CD8A: variants seen among roughly 807,000 people sequenced by gnomAD.
The protein encoded by CD8A is T-cell surface glycoprotein CD8 alpha chain.
CD8A carries 25 observed loss-of-function variants against 24.2 expected under a neutral mutation model. The ratio of observed to expected loss-of-function variants is 1.03; its 90% CI spans 0.75 to 1.44. CD8A has a LOEUF of 1.44. CD8A is among the 40% of genes most tolerant of loss of function. The pLI, the probability that CD8A is intolerant of heterozygous loss-of-function variation, is 0.00. For synonymous variants in CD8A, 165 were observed against 149.9 expected, an observed-to-expected ratio of 1.10 and a Z score of -0.74; for missense variants, 360 against 319.7, an observed-to-expected ratio of 1.13 and a Z score of -0.96.
At position 86,785,399 on chromosome 2, in the gene CD8A, C is replaced by T. The variant is rs534968939; in HGVS notation, c.*521G>A. ...CCCAGGTATCAAGAAGTACTTGTTCCCTTGCCGTTGGAGACTCAAGCACCT... is the reference window on the plus strand; with the variant it reads ...CCCAGGTATCAAGAAGTACTTGTTCTCTTGCCGTTGGAGACTCAAGCACCT... On this transcript the variant is annotated 3_prime_UTR_variant, in exon 6 of 6. Coordinates refer to ENST00000283635, the MANE Select transcript of CD8A (RefSeq NM_001768.7). The T allele has an allele frequency of 1.1e-5, 5 of 454,504 alleles. No individual in the cohort carries two copies. The East Asian group carries it at 3.5e-4, about 32-fold the overall frequency. The allele number at this position is 454,504 out of a possible 1,614,324, so 28.2% of individuals were successfully genotyped here. A position where few individuals can be genotyped will look rare whatever the true frequency, so the allele number is the denominator to read the frequency against.
intron 5 of CD8A, among the ~76,000 whole-genome samples, chr2:86,786,381 G>A (rs577551500): frequency 6.6e-6 from 1 of 152,346 alleles, no homozygotes; most frequent in South Asian, 2.1e-4. Flanking sequence ...AGGGAGAGAG[G>A]AGGATGTGAG....
At chr2:86,792,527 G>A (rs1174870990), upstream of CD8A, among the ~76,000 whole-genome samples, 1 of 140,984 alleles carries the variant, frequency 7.1e-6, no homozygotes, top group Non-Finnish European at 1.5e-5. Context: ...GGGTCTGGCT[G>A]TGTTGCCCAG....
At chr2:86,792,524 G>A (rs1405835276), upstream of CD8A, among the ~76,000 whole-genome samples, 2 of 144,346 alleles carry the variant, frequency 1.4e-5, no homozygotes, top group Non-Finnish European at 3.0e-5. Flanking sequence ...ATGGGGTCTG[G>A]CTGTGTTGCC....
In CD8A at chr2:86,805,933, C is replaced by T. The variant is rs1450658133; in HGVS notation, c.-418+1514G>A. Among the ~76,000 whole-genome samples, 6 of 151,742 alleles carry T rather than the reference C, an allele frequency of 4.0e-5. No homozygotes were observed. In the South Asian group the frequency reaches 1.0e-3, roughly 26 times the overall value. On this transcript the variant is annotated intron_variant, in intron 2 of 8. Transcript: ENST00000409511. ...GGCTCGTTTCTTTTTCTTTCTTTCT[C>T]TCTCTCTCTTTCTTTTTCTTTTTCT... is the stretch of plus-strand genomic sequence containing the variant.
chr2:86,791,259 C>T (rs970084034), upstream of CD8A: 6 of 373,664 alleles, frequency 1.6e-5, no homozygotes, highest in African/African-American at 1.3e-4. Context: ...TCACTAAAGG[C>T]GTCTCTTGTA....
At chr2:86,791,174 G>T, upstream of CD8A, 1 of 526,356 alleles carries the variant, frequency 1.9e-6, no homozygotes, top group Non-Finnish European at 3.5e-6. Context: ...CAGAGTGGGT[G>T]AAGGGAGACC....
chr2:86,793,090 C>G (rs187450812), upstream of CD8A, among the ~76,000 whole-genome samples: 44 of 152,308 alleles, frequency 2.9e-4, no homozygotes, highest in Non-Finnish European at 5.1e-4. Context: ...TATACATCAT[C>G]TTAGACACAT....
rs1225382911 is a variant in CD8A at position 86,784,762 on chromosome 2, T to A, written c.*1158A>T. On this transcript the variant is annotated 3_prime_UTR_variant, in exon 6 of 6. Transcript: ENST00000283635. Reference sequence around the variant, plus strand: ...GAATGTACACCATATTAACAGGAGATTATTCCTAAGGTGAAGAATTATGAG... The same window carrying A: ...GAATGTACACCATATTAACAGGAGAATATTCCTAAGGTGAAGAATTATGAG... The A allele has an allele frequency of 4.4e-6, 2 of 454,136 alleles. No individual in the cohort carries two copies. Among genetic ancestry groups the A allele is most frequent in the South Asian group, 3.1e-5 (2 of 64,478 alleles). The allele number at this position is 454,136 out of a possible 1,614,324, so 28.1% of individuals were successfully genotyped here. A position where few individuals can be genotyped will look rare whatever the true frequency, so the allele number is the denominator to read the frequency against.
At chr2:86,789,282 G>T in intron 4 of CD8A, 41 bp downstream of exon 4, 1 of 1,309,288 alleles carries the variant, frequency 7.6e-7, no homozygotes, top group Non-Finnish European at 1.1e-6. Context: ...AAGGGCAGGA[G>T]CGGGGCCGAC....
At chr2:86,806,684 C>T (rs1245946956) in intron 2 of CD8A, among the ~76,000 whole-genome samples, 1 of 152,142 alleles carries the variant, frequency 6.6e-6, no homozygotes, top group Non-Finnish European at 1.5e-5. Context: ...AGTTGGAGAC[C>T]GGCCTGGGCC....
rs1159040871 is a variant in CD8A, at chr2:86,785,616, C to T, written c.*304G>A. 8.3e-6 allele frequency: 5 copies of T among 604,066 alleles called. No individual in the cohort carries two copies. Among genetic ancestry groups the T allele is most frequent in the Non-Finnish European group, 9.3e-6 (3 of 323,414 alleles). 37.4% of individuals were successfully genotyped at this position (604,066 alleles called of 1,614,324 possible). On this transcript the variant is annotated 3_prime_UTR_variant, in exon 6 of 6. Coordinates refer to ENST00000283635, the MANE Select transcript of CD8A (RefSeq NM_001768.7). ...GAAGAGGTTGAGATGGCATGGGTGC[C>T]TCCAGCTCTCTCAGCATGATTCTGA...
chr2:86,793,147 A>G (rs966878139), upstream of CD8A, among the ~76,000 whole-genome samples: 1 of 152,210 alleles, frequency 6.6e-6, no homozygotes, highest in African/African-American at 2.4e-5. Context: ...CTTGTTTCAC[A>G]GTAGAAGGAG....
chr2:86,793,077 G>A, upstream of CD8A, among the ~76,000 whole-genome samples: 1 of 152,182 alleles, frequency 6.6e-6, no homozygotes, highest in East Asian at 1.9e-4. Context: ...ATAAACAGAT[G>A]TTTATACATC....
Position 86,790,384 on chromosome 2 carries a change from G to C in CD8A, c.347C>G (p.Ser116Trp). The C allele has an allele frequency of 1.2e-6, 2 of 1,614,128 alleles. No homozygotes were observed. Among genetic ancestry groups the C allele is most frequent in the Non-Finnish European group, 1.7e-6 (2 of 1,180,020 alleles). Residue 116 changes from serine (S) to tryptophan (W), a missense_variant, in exon 2 of 6, where the codon TCG becomes TGG. By Grantham distance (177) the Ser-to-Trp change is radical. Coordinates refer to ENST00000283635, the MANE Select transcript of CD8A (RefSeq NM_001768.7). ...GTACATGATGGAGTTGCTCAGGGCC[G>C]AGCAGAAATAGTAGCCCTCGTTCTC... ...RRENEGYYFCSALSNSIMYFS... is the reference protein window; with the variant it reads ...RRENEGYYFCWALSNSIMYFS...
chr2:86,789,639 C>A lies in CD8A; in HGVS notation c.514+1G>T, dbSNP rs1332614261. On this transcript the variant is annotated splice_donor_variant, in intron 3 of 5. Transcript: ENST00000283635. LOFTEE classifies it high-confidence loss of function. ...CCGCCCCGGGCCCCCGCACGCCTCA[C>A]CTGCGCCCCCCGCCGCTGGCCGGCA... is the stretch of plus-strand genomic sequence containing the variant. 5 of 1,483,590 alleles carry A rather than the reference C, an allele frequency of 3.4e-6. No homozygotes were observed. Among genetic ancestry groups the A allele is most frequent in the Non-Finnish European group, 4.5e-6 (5 of 1,120,780 alleles). The allele number at this position is 1,483,590 out of a possible 1,614,324, so 91.9% of individuals were successfully genotyped here.
At chr2:86,805,195 C>CT (rs1160091119) in intron 2 of CD8A, among the ~76,000 whole-genome samples, 1 of 152,094 alleles carries the variant, frequency 6.6e-6, no homozygotes, top group African/African-American at 2.4e-5. Flanking sequence ...ACAACTGCCA[C>CT]TTTCATTTAT....
At position 86,790,539 on chromosome 2, in the gene CD8A, G is replaced by A. The variant is rs2229239; in HGVS notation, c.192C>T (p.Ala64=). 2.5e-6 allele frequency: 4 copies of A among 1,613,438 alleles called. No homozygotes were observed. Among genetic ancestry groups the A allele is most frequent in the Admixed American group, 1.7e-5 (1 of 60,006 alleles). Residue 64 remains alanine (A), a synonymous_variant, in exon 2 of 6, where the codon GCC becomes GCT. Transcript: ENST00000283635. ...GGTATAGGAGGAAGGTGGGACTGGCGGCGGCGCCGCGCGGCTGGAAGAGCC... is the reference window on the plus strand; with the variant it reads ...GGTATAGGAGGAAGGTGGGACTGGCAGCGGCGCCGCGCGGCTGGAAGAGCC... ...CSWLFQPRGA[A]ASPTFLLYLS... is the part of the protein sequence containing the mutation.
rs1318750582 is a variant in CD8A, at chr2:86,790,478, C to A, written c.253G>T (p.Asp85Tyr). Residue 85 changes from aspartate to tyrosine, a missense_variant, in exon 2 of 6, where the codon GAC (aspartate) becomes TAC (tyrosine). Physicochemically the swap from Asp to Tyr is radical, Grantham distance 160. Transcript: ENST00000283635. ...CTCTTGCCCGAGAACCGCTGGGTGT[C>A]CAGCCCCTCGGCCGCCTTGGGCTTG... ...QNKPKAAEGL[D>Y]TQRFSGKRLG... The A allele has an allele frequency of 6.2e-7, 1 of 1,614,152 alleles. No individual in the cohort carries two copies. Among genetic ancestry groups the A allele is most frequent in the Non-Finnish European group, 8.5e-7 (1 of 1,180,022 alleles).
intron 1 of CD8A, 40 bp downstream of exon 1, chr2:86,790,737 C>A: frequency 6.5e-7 from 1 of 1,528,858 alleles, no homozygotes; most frequent in Non-Finnish European, 8.8e-7. Flanking sequence ...CCGCCCCCCG[C>A]CCGCCCCATC....
Sources: gnomAD v4.1 joint callset for allele counts (sites outside exome capture counted in the v4.1 genomes callset) on GRCh38, gnomAD v4.1.1 for gene constraint, MANE v1.5 for transcripts, NCBI Gene and HGNC (gene_info 2026-07-23, HGNC 2026-07-21) for gene names.